TLN2: variants seen among roughly 807,000 people sequenced by gnomAD.
TLN2 encodes the protein talin-2.
A neutral mutation model predicts 294.7 loss-of-function variants in TLN2; 118 were observed. The ratio of observed to expected loss-of-function variants is 0.40; its 90% confidence interval spans 0.34 to 0.47. TLN2 has a LOEUF of 0.47. TLN2 is among the 20% of genes least tolerant of loss of function. The pLI is 0.84. For missense variants in TLN2, 3,083 were observed against 3,282.2 expected, an observed-to-expected ratio of 0.94 and a Z score of 1.48; for synonymous variants, 1,431 against 1,304.5, an observed-to-expected ratio of 1.10 and a Z score of -2.09.
rs1434572802 is a variant in TLN2 at position 62,727,146 on chromosome 15, A to G, written c.3315A>G (p.Ala1105=). ...STSKAVGSSM[A]QLLTCAAQGN... ...CCAAGGCGGTGGGCTCCTCCATGGC[A>G]CAGCTGCTGACCTGTGCTGCTCAAG... Residue 1105 remains alanine, a synonymous_variant, in exon 28 of 59, where the codon GCA becomes GCG. Transcript: ENST00000636159. The G allele has an allele frequency of 1.2e-6, 2 of 1,614,078 alleles. No homozygotes were observed. Among genetic ancestry groups the G allele is most frequent in the Admixed American group, 1.7e-5 (1 of 59,998 alleles).
intron 28 of TLN2, among the ~76,000 whole-genome samples, chr15:62,729,802 C>T (rs2060620596): frequency 6.6e-6 from 1 of 152,008 alleles, no homozygotes; most frequent in African/African-American, 2.4e-5. Flanking sequence ...TTCTCTGTGC[C>T]TGCCTATGGT....
At chr15:62,728,275 G>A (rs1411191796) in intron 28 of TLN2, among the ~76,000 whole-genome samples, 1 of 152,152 alleles carries the variant, frequency 6.6e-6, no homozygotes, top group Non-Finnish European at 1.5e-5. Context: ...TCAGCACTAT[G>A]TTAGTGAGAC....
chr15:62,529,170 T>C (rs1352842446), intron 1 of TLN2, among the ~76,000 whole-genome samples: 1 of 151,952 alleles, frequency 6.6e-6, no homozygotes, highest in African/African-American at 2.4e-5. Flanking sequence ...CATGACTCCC[T>C]GCAGCCTCGA....
intron 54 of TLN2, chr15:62,829,855 A>G (rs1327946893): frequency 6.6e-6 from 1 of 151,902 alleles, no homozygotes; most frequent in Admixed American, 6.5e-5. Flanking sequence ...AATTGTTTTG[A>G]TTTCTGGATC....
At chr15:62,788,309 C>G (rs1388765767) in intron 45 of TLN2, among the ~76,000 whole-genome samples, 1 of 151,980 alleles carries the variant, frequency 6.6e-6, no homozygotes, top group Non-Finnish European at 1.5e-5. Flanking sequence ...GAAACTCCAT[C>G]TCAAAAAAAA....
chr15:62,793,211 T>G (rs2065201926), intron 46 of TLN2, among the ~76,000 whole-genome samples: 1 of 152,108 alleles, frequency 6.6e-6, no homozygotes, highest in Non-Finnish European at 1.5e-5. Context: ...GGAGTGAAAA[T>G]CCCTTTGGTG....
intron 1 of TLN2, among the ~76,000 whole-genome samples, chr15:62,546,842 A>G (rs1387916131): frequency 6.6e-6 from 1 of 152,170 alleles, no homozygotes; most frequent in Admixed American, 6.5e-5. Context: ...AGGAGAACAA[A>G]TCTCCTGGTA....
At chr15:62,513,922 C>G (rs1248505788) in intron 1 of TLN2, among the ~76,000 whole-genome samples, 1 of 152,218 alleles carries the variant, frequency 6.6e-6, no homozygotes, top group Non-Finnish European at 1.5e-5. Flanking sequence ...TGATTTCTGT[C>G]TTTAGTCTAG....
rs149946081 is a variant in TLN2, at chr15:62,539,319, G to A, written c.-237-50368G>A. Among the ~76,000 whole-genome samples the A allele has an allele frequency of 3.9e-5, 6 of 152,264 alleles. No individual in the cohort carries two copies. In the East Asian group the frequency reaches 1.2e-3, roughly 29 times the overall value. On this transcript the variant is annotated intron_variant, in intron 1 of 58. Coordinates refer to ENST00000636159, the MANE Select transcript of TLN2 (RefSeq NM_015059.3). ...CATGTGTGTGCCAAGATTGAGTGGT[G>A]GGTGGGGTTGAAACCTTGGCTCGCT...
intron 1 of TLN2, among the ~76,000 whole-genome samples, chr15:62,575,037 G>A (rs886459720): frequency 6.6e-5 from 10 of 152,192 alleles, no homozygotes; most frequent in African/African-American, 2.4e-4. Flanking sequence ...TCAGGGCTGG[G>A]CGCAGTGGCT....
chr15:62,763,301 C>T (rs2062794081), intron 39 of TLN2: 2 of 277,802 alleles, frequency 7.2e-6, no homozygotes, highest in Admixed American at 5.4e-5. Flanking sequence ...GCTTCCTTTG[C>T]AGTTGCCTGG....
At chr15:62,780,789 G>A (rs1172543509) in intron 43 of TLN2, among the ~76,000 whole-genome samples, 2 of 152,158 alleles carry the variant, frequency 1.3e-5, no homozygotes, top group Non-Finnish European at 2.9e-5. Flanking sequence ...GTGTCAGGCT[G>A]GCTCCCGCCT....
chr15:62,427,103 G>A (rs2034758025), intron 1 of TLN2, among the ~76,000 whole-genome samples: 1 of 152,154 alleles, frequency 6.6e-6, no homozygotes, highest in South Asian at 2.1e-4. Context: ...CACCCCCGAG[G>A]TTATTGGCCT....
chr15:62,681,770 G>C (rs1167781472), intron 11 of TLN2, among the ~76,000 whole-genome samples: 1 of 152,094 alleles, frequency 6.6e-6, no homozygotes, highest in Non-Finnish European at 1.5e-5. Flanking sequence ...TGGAAAGTAA[G>C]GATATTTGAT....
intron 1 of TLN2, among the ~76,000 whole-genome samples, chr15:62,485,350 C>T (rs924894527): frequency 6.6e-5 from 10 of 152,188 alleles, no homozygotes; most frequent in Non-Finnish European, 1.0e-4. Flanking sequence ...GATAAGTGGC[C>T]GAAGCAGGTC....
chr15:62,497,340 T>C (rs963202153), intron 1 of TLN2, among the ~76,000 whole-genome samples: 1 of 152,126 alleles, frequency 6.6e-6, no homozygotes, highest in Non-Finnish European at 1.5e-5. Context: ...GAAATTGGAG[T>C]ACTTGAATCC....
At chr15:62,557,843 G>T (rs1596119436) in intron 1 of TLN2, among the ~76,000 whole-genome samples, 1 of 152,286 alleles carries the variant, frequency 6.6e-6, no homozygotes, top group South Asian at 2.1e-4. Flanking sequence ...GCCCAGCTGG[G>T]AACACTTTTA....
At chr15:62,677,746 T>C (rs1030606464) in intron 11 of TLN2, among the ~76,000 whole-genome samples, 5 of 151,480 alleles carry the variant, frequency 3.3e-5, no homozygotes, top group African/African-American at 1.2e-4. Context: ...TTTATTTTTT[T>C]TTAAAAATTA....
chr15:62,807,795 A>G (rs1181065429), intron 51 of TLN2, among the ~76,000 whole-genome samples: 11 of 152,156 alleles, frequency 7.2e-5, no homozygotes, highest in Admixed American at 2.0e-4. Flanking sequence ...CCTGAATGTC[A>G]GCTTCACACA....
Sources: allele counts gnomAD v4.1 joint callset (sites outside exome capture counted in the v4.1 genomes callset), GRCh38; gene constraint gnomAD v4.1.1; transcripts MANE v1.5; gene names NCBI Gene and HGNC (gene_info 2026-07-23, HGNC 2026-07-21).